The following PTPRN2 variants were observed in gnomAD, a reference collection of about 807,000 sequenced individuals.
PTPRN2 encodes the protein protein tyrosine phosphatase receptor type N2, also known as receptor-type tyrosine-protein phosphatase N2.
PTPRN2 carries 74 observed loss-of-function variants against 118.8 expected under a neutral mutation model. That is an observed-to-expected ratio of 0.62 (90% CI 0.52 to 0.76). The LOEUF is 0.76. Ranked by LOEUF, PTPRN2 falls within the 30% of genes least tolerant of loss-of-function variation. PTPRN2 has a pLI of 0.00. For missense variants in PTPRN2, 1,481 were observed against 1,394.4 expected, an observed-to-expected ratio of 1.06 and a Z score of -0.99; for synonymous variants, 641 against 608.0, an observed-to-expected ratio of 1.05 and a Z score of -0.80.
chr7:158,377,834 G>T (rs1390744598), intron 2 of PTPRN2, among the ~76,000 whole-genome samples: 3 of 152,106 alleles, frequency 2.0e-5, no homozygotes, highest in Non-Finnish European at 2.9e-5. Flanking sequence ...GGGTGCTCAA[G>T]GGCAGGGTGC....
At position 157,674,867 on chromosome 7, in the gene PTPRN2, G is replaced by T. The variant is rs1796589689; in HGVS notation, c.2001+7858C>A. Among the ~76,000 whole-genome samples, 1 of 152,188 alleles carries T rather than the reference G, an allele frequency of 6.6e-6. No homozygotes were observed. Among genetic ancestry groups the T allele is most frequent in the Admixed American group, 6.5e-5 (1 of 15,282 alleles). On this transcript the variant is annotated intron_variant, in intron 13 of 22. Transcript: ENST00000389418. This position sits in a 1 kb window ranked among gnomAD's most constrained non-coding sequence, Gnocchi z 4.5. ...GGGGGGGTCTGCACAGTTCTGGGTG[G>T]GGGAGGCTCCAGGAGCTACCCGAGG... is the stretch of plus-strand genomic sequence containing the variant.
At chr7:158,419,190 G>T (rs1176349497) in intron 2 of PTPRN2, among the ~76,000 whole-genome samples, 2 of 152,236 alleles carry the variant, frequency 1.3e-5, no homozygotes, top group Non-Finnish European at 2.9e-5. Context: ...TCTGGAGCCT[G>T]AAGACATGTG....
intron 2 of PTPRN2, among the ~76,000 whole-genome samples, chr7:158,346,666 T>C (rs1484995401): frequency 6.6e-6 from 1 of 152,234 alleles, no homozygotes; most frequent in Non-Finnish European, 1.5e-5. Flanking sequence ...TATGGTAGTT[T>C]GTTGTTTGAG....
At chr7:158,495,360 A>G (rs1035948411) in intron 1 of PTPRN2, among the ~76,000 whole-genome samples, 11 of 152,198 alleles carry the variant, frequency 7.2e-5, no homozygotes, top group Non-Finnish European at 4.4e-5. Flanking sequence ...AACATTCTGG[A>G]GAGAGAGCAG....
intron 2 of PTPRN2, among the ~76,000 whole-genome samples, chr7:158,439,103 T>C (rs904691874): frequency 9.2e-5 from 14 of 152,238 alleles, no homozygotes; most frequent in Non-Finnish European, 2.9e-5. Context: ...ATTTCTAACC[T>C]GGAAGCCGCC....
At chr7:157,593,287 G>A (rs1245540629) in intron 17 of PTPRN2, among the ~76,000 whole-genome samples, 1 of 151,288 alleles carries the variant, frequency 6.6e-6, no homozygotes, top group Admixed American at 6.6e-5. Flanking sequence ...CACACAGGAT[G>A]GTGGGTGGAT....
At chr7:157,717,535 G>A (rs902838350) in intron 12 of PTPRN2, among the ~76,000 whole-genome samples, 2 of 152,384 alleles carry the variant, frequency 1.3e-5, no homozygotes, top group South Asian at 2.1e-4. Flanking sequence ...AGTTGGCAAC[G>A]TTGTTCAGCT....
At chr7:157,697,658 C>T (rs1287098463) in intron 12 of PTPRN2, among the ~76,000 whole-genome samples, 1 of 143,324 alleles carries the variant, frequency 7.0e-6, no homozygotes, top group Non-Finnish European at 1.5e-5. Flanking sequence ...TGGATCTCGG[C>T]AGAGCCCTCA....
At position 158,545,432 on chromosome 7, in the gene PTPRN2, T is replaced by C. The variant is rs557722523; in HGVS notation, c.112+42126A>G. Among the ~76,000 whole-genome samples the C allele has an allele frequency of 2.3e-3, 355 of 152,348 alleles. 5 individuals are homozygous for C. The highest frequency in any genetic ancestry group is 8.0e-3 in the African/African-American group (333 of 41,570). On this transcript the variant is annotated intron_variant, in intron 1 of 22. Transcript: ENST00000389418. ...GTTACCATTTTCTCGTATTCTCAAG[T>C]AGAACTGTCCCTACATTTCCTTTCC... is the stretch of plus-strand genomic sequence containing the variant.
intron 9 of PTPRN2, among the ~76,000 whole-genome samples, chr7:158,116,768 G>A (rs1264079848): frequency 4.6e-5 from 7 of 152,030 alleles, no homozygotes; most frequent in African/African-American, 1.7e-4. Flanking sequence ...TCCGCTTTTG[G>A]GAGCCAGAAA....
chr7:158,117,306 T>A (rs1294536459), intron 9 of PTPRN2, among the ~76,000 whole-genome samples: 3 of 151,996 alleles, frequency 2.0e-5, no homozygotes, highest in Admixed American at 2.0e-4. Context: ...AAAGGCAGAT[T>A]TGAGCAAGAA....
intron 21 of PTPRN2, among the ~76,000 whole-genome samples, chr7:157,566,390 G>A (rs1446633700): frequency 3.3e-5 from 5 of 152,226 alleles, no homozygotes; most frequent in South Asian, 4.1e-4. Context: ...CCCGCCACAC[G>A]GGCAGGGCCC....
intron 12 of PTPRN2, among the ~76,000 whole-genome samples, chr7:157,837,735 C>T (rs1808073255): frequency 6.6e-6 from 1 of 152,190 alleles, no homozygotes; most frequent in Non-Finnish European, 1.5e-5. Context: ...CTCCACAGGG[C>T]AGGACTCACA....
intron 1 of PTPRN2, among the ~76,000 whole-genome samples, chr7:158,554,123 G>A (rs1336013647): frequency 2.0e-5 from 3 of 152,142 alleles, no homozygotes; most frequent in Non-Finnish European, 2.9e-5. Context: ...AAAATTAGCC[G>A]GATGTGGTGG....
rs551685783 is a variant in PTPRN2 at position 158,506,910 on chromosome 7, C to T, written c.113-17125G>A. Among the ~76,000 whole-genome samples the T allele has an allele frequency of 2.5e-4, 38 of 152,316 alleles. No homozygotes were observed. The East Asian group carries it at 7.0e-3, about 28-fold the overall frequency. On this transcript the variant is annotated intron_variant, in intron 1 of 22. Transcript: ENST00000389418. ...CAGAGACACTAGGGCCAGCCCAGCC[C>T]GGAGCAGCCACAACCAATCATGAAG...
At chr7:158,215,328 G>A (rs1201302534) in intron 3 of PTPRN2, among the ~76,000 whole-genome samples, 1 of 152,104 alleles carries the variant, frequency 6.6e-6, no homozygotes, top group Non-Finnish European at 1.5e-5. Context: ...ACAACACAGA[G>A]AAAATAGTAG....
intron 21 of PTPRN2, among the ~76,000 whole-genome samples, chr7:157,555,929 A>G (rs1212990779): frequency 6.6e-6 from 1 of 152,218 alleles, no homozygotes; most frequent in African/African-American, 2.4e-5. Context: ...CCAGGCTGCG[A>G]TGTTTCTGCT....
At chr7:157,631,831 C>CAAAA (rs564048764) in intron 14 of PTPRN2, among the ~76,000 whole-genome samples, 2 of 72,446 alleles carry the variant, frequency 2.8e-5, no homozygotes, top group African/African-American at 8.1e-5. Flanking sequence ...GACTCCGTCT[C>CAAAA]AAAAAAAAAA....
intron 12 of PTPRN2, among the ~76,000 whole-genome samples, chr7:157,873,287 C>A (rs1011010580): frequency 1.3e-5 from 2 of 152,208 alleles, no homozygotes; most frequent in Admixed American, 1.3e-4. Flanking sequence ...TGAATGTGCA[C>A]CAGGAAAGAA....
Sources: gnomAD v4.1 joint callset for allele counts (sites outside exome capture counted in the v4.1 genomes callset) on GRCh38, gnomAD v4.1.1 for gene constraint, Gnocchi (gnomAD v3.1) non-coding constraint, MANE v1.5 for transcripts, NCBI Gene and HGNC (gene_info 2026-07-23, HGNC 2026-07-21) for gene names.